AGMO: variants seen among roughly 807,000 people sequenced by gnomAD.
The protein encoded by AGMO is alkylglycerol monooxygenase.
AGMO carries 75 observed loss-of-function variants against 60.2 expected under a neutral mutation model. The observed-to-expected ratio is 1.25, with a 90% CI of 1.03 to 1.51. The LOEUF is 1.51. Ranked by LOEUF, AGMO falls within the 40% of genes most tolerant of loss-of-function variation. The probability of loss-of-function intolerance (pLI) is 0.00; values close to 1 mark genes in which losing one functional copy is unlikely to be tolerated. For missense variants in AGMO, 763 were observed against 525.5 expected, an observed-to-expected ratio of 1.45 and a Z score of -4.42; for synonymous variants, 261 against 177.1, an observed-to-expected ratio of 1.47 and a Z score of -3.76.
chr7:15,351,212 A>G (rs1308553462), intron 12 of AGMO, among the ~76,000 whole-genome samples: 1 of 152,180 alleles, frequency 6.6e-6, no homozygotes, highest in Non-Finnish European at 1.5e-5. Context: ...AAGGGTCCTC[A>G]TGAAAATGCA....
chr7:15,271,980 A>T (rs560880191), intron 12 of AGMO, among the ~76,000 whole-genome samples: 42 of 152,004 alleles, frequency 2.8e-4, no homozygotes, highest in Non-Finnish European at 5.6e-4. Context: ...ATTGATTTGC[A>T]TGGTTGTTCA....
chr7:15,321,254 T>C (rs374713638), intron 12 of AGMO, among the ~76,000 whole-genome samples: 12 of 152,290 alleles, frequency 7.9e-5, no homozygotes, highest in Admixed American at 3.9e-4. Flanking sequence ...CATACGTATA[T>C]AGATAGATTG....
the AGMO span, among the ~76,000 whole-genome samples, chr7:15,137,406 T>C: frequency 6.6e-6 from 1 of 152,350 alleles, no homozygotes; most frequent in African/African-American, 2.4e-5. Flanking sequence ...CCATAATTCT[T>C]TGATTTCTGT....
intron 3 of AGMO, among the ~76,000 whole-genome samples, chr7:15,457,570 A>T (rs538010246): frequency 1.3e-5 from 2 of 152,310 alleles, no homozygotes; most frequent in South Asian, 4.1e-4. Context: ...GTATTACAGG[A>T]CTGCTTACAG....
At chr7:15,409,395 C>T (rs954039328) in intron 5 of AGMO, among the ~76,000 whole-genome samples, 13 of 151,852 alleles carry the variant, frequency 8.6e-5, no homozygotes, top group African/African-American at 3.1e-4. Context: ...AAAAGTGTGA[C>T]AAGTGAATGA....
chr7:15,399,201 G>C (rs1023893334), intron 5 of AGMO, among the ~76,000 whole-genome samples: 1 of 152,086 alleles, frequency 6.6e-6, no homozygotes, highest in Non-Finnish European at 1.5e-5. Context: ...TGGATGCCTA[G>C]AAGGGCCATG....
At position 15,288,439 on chromosome 7, in the gene AGMO, T is replaced by G. The variant is rs545333820; in HGVS notation, c.1263+77075A>C. ...CACGAGGCATTTCTTCCTGATAACT[T>G]ATGATATTATGAATCTACATAAAAA... On this transcript the variant is annotated intron_variant, in intron 12 of 12. Transcript: ENST00000342526. Among the ~76,000 whole-genome samples, 31 of 152,304 alleles carry G rather than the reference T, an allele frequency of 2.0e-4. No individual in the cohort carries two copies. The East Asian group carries it at 3.5e-3, about 17-fold the overall frequency.
At chr7:15,440,216 A>G (rs1403679808) in intron 3 of AGMO, among the ~76,000 whole-genome samples, 3 of 152,178 alleles carry the variant, frequency 2.0e-5, no homozygotes, top group Non-Finnish European at 2.9e-5. Context: ...ATATGTCTTT[A>G]TACAGGCAGA....
rs546459474 is a variant in AGMO at position 15,337,845 on chromosome 7, G to A, written c.1263+27669C>T. Among the ~76,000 whole-genome samples, 284 of 152,188 alleles carry A rather than the reference G, an allele frequency of 1.9e-3. 1 individual carries two copies. Among genetic ancestry groups the A allele is most frequent in the Non-Finnish European group, 3.5e-3 (237 of 68,018 alleles). ...CAGGGGCAGATATATTAGGCACCTGGGCTCCACCTTTGCAACTGTGACTAG... is the reference window on the plus strand; with the variant it reads ...CAGGGGCAGATATATTAGGCACCTGAGCTCCACCTTTGCAACTGTGACTAG... On this transcript the variant is annotated intron_variant, in intron 12 of 12. Coordinates refer to ENST00000342526, the MANE Select transcript of AGMO (RefSeq NM_001004320.2).
chr7:15,133,879 A>G, the AGMO span, among the ~76,000 whole-genome samples: 2 of 152,182 alleles, frequency 1.3e-5, no homozygotes, highest in Non-Finnish European at 2.9e-5. Flanking sequence ...TGGATCTGAA[A>G]CTGAACACCT....
At chr7:15,336,970 T>C (rs577449529) in intron 12 of AGMO, among the ~76,000 whole-genome samples, 59 of 152,316 alleles carry the variant, frequency 3.9e-4, no homozygotes, top group South Asian at 1.9e-3. Flanking sequence ...ATGTGTGAGA[T>C]TGTCAAACAT....
chr7:15,347,082 T>C (rs1033473928), intron 12 of AGMO, among the ~76,000 whole-genome samples: 4 of 152,048 alleles, frequency 2.6e-5, no homozygotes, highest in African/African-American at 9.7e-5. Flanking sequence ...TTAAAATGAA[T>C]CAAACTTTAA....
intron 12 of AGMO, among the ~76,000 whole-genome samples, chr7:15,255,298 C>T (rs1328696254): frequency 1.3e-5 from 2 of 152,056 alleles, no homozygotes; most frequent in Admixed American, 6.6e-5. Context: ...CCACCATGCA[C>T]GTGTATACCT....
chr7:15,217,736 AGT>A (rs1781785463), intron 12 of AGMO, among the ~76,000 whole-genome samples: 1 of 141,480 alleles, frequency 7.1e-6, no homozygotes, highest in Non-Finnish European at 1.5e-5. Context: ...TGAAAAATAC[AGT>A]GTGTCTAACT....
chr7:15,233,248 T>C (rs1583313243), intron 12 of AGMO, among the ~76,000 whole-genome samples: 1 of 152,208 alleles, frequency 6.6e-6, no homozygotes, highest in South Asian at 2.1e-4. Context: ...ATGAAAAGCA[T>C]GTTAAAATCT....
chr7:15,415,097 T>C (rs1780725943), intron 5 of AGMO, among the ~76,000 whole-genome samples: 1 of 152,054 alleles, frequency 6.6e-6, no homozygotes, highest in Non-Finnish European at 1.5e-5. Flanking sequence ...TTAGAGAATA[T>C]TTAAAAAAAA....
chr7:15,339,454 A>AT (rs1781764083), intron 12 of AGMO, among the ~76,000 whole-genome samples: 1 of 152,218 alleles, frequency 6.6e-6, no homozygotes, highest in Non-Finnish European at 1.5e-5. Flanking sequence ...GCATATAATT[A>AT]TATCTAACAA....
rs531560233 is a variant in AGMO, at chr7:15,479,645, A to T, written c.410-48537T>A. Reference sequence around the variant, plus strand: ...TTAACATTTGCGAATGCAATTTAGTAAAAGTCTCTTAAATAAAAATTGACC... The same window carrying T: ...TTAACATTTGCGAATGCAATTTAGTTAAAGTCTCTTAAATAAAAATTGACC... On this transcript the variant is annotated intron_variant, in intron 3 of 12. Transcript: ENST00000342526. 3.9e-5 allele frequency among the ~76,000 whole-genome samples: 6 copies of T among 152,286 alleles called. No individual in the cohort carries two copies. In the South Asian group the frequency reaches 1.2e-3, roughly 32 times the overall value.
At chr7:15,307,539 A>G (rs1404709945) in intron 12 of AGMO, among the ~76,000 whole-genome samples, 1 of 151,236 alleles carries the variant, frequency 6.6e-6, no homozygotes, top group Admixed American at 6.6e-5. Flanking sequence ...TTTTTTTCTT[A>G]TGAAGCCTAT....
Sources: allele counts gnomAD v4.1 joint callset (sites outside exome capture counted in the v4.1 genomes callset), GRCh38; gene constraint gnomAD v4.1.1; transcripts MANE v1.5; gene names NCBI Gene and HGNC (gene_info 2026-07-23, HGNC 2026-07-21).